AGAP1: variants seen among roughly 807,000 people sequenced by gnomAD.
AGAP1 encodes the protein ArfGAP with GTPase domain, ankyrin repeat and PH domain 1, also known as arf-GAP with GTPase, ANK repeat and PH domain-containing protein 1.
AGAP1 carries 29 observed loss-of-function variants against 105.3 expected under a neutral mutation model. The ratio of observed to expected loss-of-function variants is 0.28; its 90% CI spans 0.21 to 0.38. AGAP1 has a LOEUF of 0.38. Among genes scored for constraint, AGAP1 ranks in the 10% least tolerant of loss-of-function variants. The pLI is 1.00. For missense variants in AGAP1, 998 were observed against 1,165.1 expected, an observed-to-expected ratio of 0.86 and a Z score of 2.09; for synonymous variants, 509 against 485.9, an observed-to-expected ratio of 1.05 and a Z score of -0.63.
At chr2:235,699,324 A>G (rs943872962) in intron 1 of AGAP1, among the ~76,000 whole-genome samples, 2 of 152,124 alleles carry the variant, frequency 1.3e-5, no homozygotes, top group Non-Finnish European at 2.9e-5. Context: ...AGAGAGCCTG[A>G]TGTATTTGTA....
At chr2:235,884,458 T>C (rs1199913399) in intron 10 of AGAP1, among the ~76,000 whole-genome samples, 2 of 143,502 alleles carry the variant, frequency 1.4e-5, no homozygotes, top group Non-Finnish European at 3.0e-5. Flanking sequence ...CACTGTTTTT[T>C]TTTTTTTTTT....
At chr2:235,686,272 T>C (rs1043574980) in intron 1 of AGAP1, among the ~76,000 whole-genome samples, 1 of 151,938 alleles carries the variant, frequency 6.6e-6, no homozygotes, top group African/African-American at 2.4e-5. Flanking sequence ...CCAAGGTGAA[T>C]AGATGGTCAG....
intron 16 of AGAP1, among the ~76,000 whole-genome samples, chr2:236,086,276 T>C (rs1357499420): frequency 1.3e-5 from 2 of 152,260 alleles, no homozygotes; most frequent in Non-Finnish European, 2.9e-5. Context: ...CAATTTACTA[T>C]TGACTTGAAA....
At position 236,012,087 on chromosome 2, in the gene AGAP1, C is replaced by G. The variant is rs2123512; in HGVS notation, c.1646-24474C>G. 1.3e-5 allele frequency among the ~76,000 whole-genome samples: 2 copies of G among 152,044 alleles called. No homozygotes were observed. The highest frequency in any genetic ancestry group is 3.9e-4 in the East Asian group (2 of 5,168). ...GACCTTGGTATCAGCTAGAAAACATCCATTTGTTTAAGGGGAAGAAACAGG... is the reference window on the plus strand; with the variant it reads ...GACCTTGGTATCAGCTAGAAAACATGCATTTGTTTAAGGGGAAGAAACAGG... On this transcript the variant is annotated intron_variant, in intron 13 of 17. Coordinates refer to ENST00000304032, the MANE Select transcript of AGAP1 (RefSeq NM_001037131.3). The surrounding 1 kb of genome is among the most constrained non-coding windows in gnomAD (Gnocchi z 4.9).
intron 1 of AGAP1, among the ~76,000 whole-genome samples, chr2:235,501,631 G>A (rs1941565188): frequency 6.6e-6 from 1 of 152,058 alleles, no homozygotes; most frequent in Non-Finnish European, 1.5e-5. Flanking sequence ...ATTTTGTTAA[G>A]ACGAAAATCC....
intron 1 of AGAP1, among the ~76,000 whole-genome samples, chr2:235,567,970 G>A (rs571606992): frequency 1.3e-5 from 2 of 152,296 alleles, no homozygotes; most frequent in Admixed American, 1.3e-4. Flanking sequence ...TGGCTTTGGA[G>A]CCAGCATCCT....
chr2:235,972,865 T>G (rs1459218186), intron 13 of AGAP1, among the ~76,000 whole-genome samples: 1 of 152,082 alleles, frequency 6.6e-6, no homozygotes, highest in Non-Finnish European at 1.5e-5. Context: ...GGGTATGTGC[T>G]CCCCTCCATC....
intron 16 of AGAP1, among the ~76,000 whole-genome samples, chr2:236,079,748 G>A (rs1160077039): frequency 6.6e-6 from 1 of 152,094 alleles, no homozygotes; most frequent in Non-Finnish European, 1.5e-5. Context: ...AGGGAAGGGG[G>A]TGGTACAGAC....
intron 6 of AGAP1, among the ~76,000 whole-genome samples, chr2:235,761,726 T>C (rs1334024533): frequency 6.6e-6 from 1 of 152,250 alleles, no homozygotes; most frequent in Non-Finnish European, 1.5e-5. Context: ...AGAATATTAC[T>C]TAACTAGGAT....
intron 9 of AGAP1, among the ~76,000 whole-genome samples, chr2:235,839,814 G>C (rs534398742): frequency 1.3e-5 from 2 of 152,256 alleles, no homozygotes; most frequent in African/African-American, 4.8e-5. Flanking sequence ...TACATGAAAT[G>C]GTTTTTTATT....
intron 1 of AGAP1, among the ~76,000 whole-genome samples, chr2:235,593,215 C>CA (rs1945410336): frequency 6.6e-6 from 1 of 152,160 alleles, no homozygotes; most frequent in African/African-American, 2.4e-5. Context: ...CCTGAGCCCT[C>CA]AAGGAGATTC....
Position 235,655,149 on chromosome 2 carries a change from ACATAAG to A in AGAP1, c.164-54028_164-54023del, listed in dbSNP as rs1947733593. 6.6e-6 allele frequency among the ~76,000 whole-genome samples: 1 copy of A among 151,976 alleles called. No individual in the cohort carries two copies. Among genetic ancestry groups the A allele is most frequent in the African/African-American group, 2.4e-5 (1 of 41,330 alleles). ...AAGGTCAGCATAGATTTAACAGGAG[ACATAAG>A]CTTTGAAAATTTATTCATGCTGGAA... On this transcript the variant is annotated intron_variant, in intron 1 of 17. Coordinates refer to ENST00000304032, the MANE Select transcript of AGAP1 (RefSeq NM_001037131.3). The surrounding 1 kb of genome is among the most constrained non-coding windows in gnomAD (Gnocchi z 4.3).
intron 1 of AGAP1, among the ~76,000 whole-genome samples, chr2:235,693,339 C>T (rs1302397906): frequency 1.3e-5 from 2 of 152,116 alleles, no homozygotes; most frequent in African/African-American, 4.8e-5. Context: ...GCCTTTATGC[C>T]TGTCACCAGT....
chr2:236,074,797 G>C (rs974511596), intron 16 of AGAP1, among the ~76,000 whole-genome samples: 2 of 152,190 alleles, frequency 1.3e-5, no homozygotes, highest in Non-Finnish European at 2.9e-5. Context: ...GCTCATGCCT[G>C]TAATTCCAGC....
At chr2:235,593,299 G>C (rs894270480) in intron 1 of AGAP1, among the ~76,000 whole-genome samples, 24 of 152,188 alleles carry the variant, frequency 1.6e-4, no homozygotes, top group Non-Finnish European at 2.9e-5. Flanking sequence ...TTAACGCAGA[G>C]ACCCGAGACT....
In AGAP1 at chr2:235,728,040, C is replaced by T. The variant is rs138131512; in HGVS notation, c.310+10396C>T. ...TCGCAACTCCCCAAAGAAAATGCTG[C>T]GTCCTTGTAAGACCGTGTCTGCCCA... On this transcript the variant is annotated intron_variant, in intron 3 of 17. Transcript: ENST00000304032. The surrounding 1 kb of genome is among the most constrained non-coding windows in gnomAD (Gnocchi z 4.3). 6.6e-3 allele frequency among the ~76,000 whole-genome samples: 1,012 copies of T among 152,314 alleles called. 9 individuals are homozygous for T. The highest frequency in any genetic ancestry group is 0.023 in the African/African-American group (960 of 41,558).
chr2:235,753,345 G>A lies in AGAP1; in HGVS notation c.673+2857G>A, dbSNP rs542891102. On this transcript the variant is annotated intron_variant, in intron 6 of 17. Transcript: ENST00000304032. The surrounding 1 kb of genome is among the most constrained non-coding windows in gnomAD (Gnocchi z 4.5). ...CCAGGTGATGCTGTGATGAGTGTCC[G>A]TTTTCATGGGCACAGGAGATTTCCG... 1.3e-5 allele frequency among the ~76,000 whole-genome samples: 2 copies of A among 152,294 alleles called. No individual in the cohort carries two copies. Among genetic ancestry groups the A allele is most frequent in the South Asian group, 2.1e-4 (1 of 4,822 alleles).
chr2:235,666,999 G>T lies in AGAP1; in HGVS notation c.164-42180G>T, dbSNP rs147795601. Among the ~76,000 whole-genome samples, 790 of 152,212 alleles carry T rather than the reference G, an allele frequency of 5.2e-3. 8 individuals carry two copies. Among genetic ancestry groups the T allele is most frequent in the African/African-American group, 0.018 (739 of 41,518 alleles). On this transcript the variant is annotated intron_variant, in intron 1 of 17. Transcript: ENST00000304032. Reference sequence around the variant, plus strand: ...GCAGAGATCTCTATCTTTCCACGTTGCTGTTTGTTTCTCAGCTTACAGACC... The same window carrying T: ...GCAGAGATCTCTATCTTTCCACGTTTCTGTTTGTTTCTCAGCTTACAGACC...
intron 1 of AGAP1, among the ~76,000 whole-genome samples, chr2:235,595,316 C>T (rs1945489564): frequency 6.6e-6 from 1 of 152,172 alleles, no homozygotes; most frequent in Non-Finnish European, 1.5e-5. Context: ...CTGGGGAGCA[C>T]ACCCTCGAGG....
Sources: gnomAD v4.1 joint callset for allele counts (sites outside exome capture counted in the v4.1 genomes callset) on GRCh38, gnomAD v4.1.1 for gene constraint, Gnocchi (gnomAD v3.1) non-coding constraint, MANE v1.5 for transcripts, NCBI Gene and HGNC (gene_info 2026-07-23, HGNC 2026-07-21) for gene names.